The following OR4C11 variants were observed in gnomAD, a reference collection of about 807,000 sequenced individuals.
The protein encoded by OR4C11 is olfactory receptor family 4 subfamily C member 11.
OR4C11 carries 15 observed loss-of-function variants against 14.7 expected under a neutral mutation model. The observed-to-expected ratio is 1.02, with a 90% CI of 0.68 to 1.58. The LOEUF is 1.58. OR4C11 is among the 40% of genes most tolerant of loss of function. The pLI, the probability that OR4C11 is intolerant of heterozygous loss-of-function variation, is 0.00. For synonymous variants in OR4C11, 146 were observed against 135.0 expected (o/e 1.08, Z -0.57); for missense variants, 473 against 383.0 (o/e 1.24, Z -1.96).
rs1357238490 is a variant in OR4C11, at chr11:55,605,582, T to TA, written c.-206-296dup. ...ATATATATTCCAAATAGCAACACAG[T>TA]AAAAAATTAAAAGGGAAGTGTCAAT... On this transcript the variant is annotated intron_variant, in intron 2 of 3. Transcript: ENST00000641580. 1.1e-4 allele frequency among the ~76,000 whole-genome samples: 15 copies of TA among 138,258 alleles called. 3 individuals are homozygous for TA. Among genetic ancestry groups the TA allele is most frequent in the African/African-American group, 3.5e-4 (14 of 39,850 alleles). 90.7% of individuals were successfully genotyped at this position (138,258 alleles called of 152,430 possible).
At position 55,603,718 on chromosome 11, in the gene OR4C11, A is replaced by T; in HGVS notation, c.656T>A (p.Ile219Asn). Residue 219 changes from isoleucine to asparagine, a missense_variant, in exon 4 of 4, where the codon ATC becomes AAC. Physicochemically the swap from Ile to Asn is moderately radical, Grantham distance 149 (BLOSUM62 -3). Coordinates refer to ENST00000641580, the MANE Select transcript of OR4C11 (RefSeq NM_001004700.3). Reference protein sequence around the residue: ...FMILIISYIVILHSLRNHSAK... With the variant: ...FMILIISYIVNLHSLRNHSAK... ...ACTGTGGTTTCTCAGTGAATGCAAG[A>T]TGACAATATATGAAATTATCAAAAT... 2 of 1,490,800 alleles carry T rather than the reference A, an allele frequency of 1.3e-6. No homozygotes were observed. The highest frequency in any genetic ancestry group is 1.8e-6 in the Non-Finnish European group (2 of 1,095,738). 92.3% of individuals were successfully genotyped at this position (1,490,800 alleles called of 1,614,324 possible).
rs146340318 is a variant in OR4C11, at chr11:55,605,760, G to T, written c.-206-473C>A. On this transcript the variant is annotated intron_variant, in intron 2 of 3. Coordinates refer to ENST00000641580, the MANE Select transcript of OR4C11 (RefSeq NM_001004700.3). ...AAGAGACTGTTCTCCTTATTATAAA[G>T]ATTATGCCTCTGGAAAGATGCTCAA... Among the ~76,000 whole-genome samples the T allele has an allele frequency of 8.7e-4, 120 of 138,478 alleles. 14 individuals are homozygous for T. Among genetic ancestry groups the T allele is most frequent in the African/African-American group, 2.9e-3 (117 of 40,056 alleles). 90.8% of individuals were successfully genotyped at this position (138,478 alleles called of 152,430 possible).
rs187050403 is a variant in OR4C11, at chr11:55,603,583, G to C, written c.791C>G (p.Pro264Arg). ...FIYTRPPTTF[P>R]MDKMVAVFYT... Reference sequence around the variant, plus strand: ...AAATACTGCCACCATCTTGTCCATGGGGAAAGTGGTCGGGGGGCGTGTATA... The same window carrying C: ...AAATACTGCCACCATCTTGTCCATGCGGAAAGTGGTCGGGGGGCGTGTATA... The change falls in exon 4 of 4, where the codon CCC becomes CGC. Residue 264 changes from proline (P) to arginine (R), a missense_variant. Transcript: ENST00000641580. 40 of 1,481,236 alleles carry C rather than the reference G, an allele frequency of 2.7e-5. 12 individuals carry two copies. The Middle Eastern group carries it at 3.0e-3, about 112-fold the overall frequency. The allele number at this position is 1,481,236 out of a possible 1,614,324, so 91.8% of individuals were successfully genotyped here. A position where few individuals can be genotyped will look rare whatever the true frequency, so the allele number is the denominator to read the frequency against.
At position 55,602,568 on chromosome 11, in the gene OR4C11, T is replaced by G. The variant is rs973819499; in HGVS notation, c.*873A>C. The G allele has an allele frequency of 2.2e-5, 3 of 138,476 alleles. No homozygotes were observed. The highest frequency in any genetic ancestry group is 5.0e-5 in the African/African-American group (2 of 39,938). The allele number at this position is 138,476 out of a possible 1,614,324, so 8.6% of individuals were successfully genotyped here. On this transcript the variant is annotated 3_prime_UTR_variant, in exon 4 of 4. Coordinates refer to ENST00000641580, the MANE Select transcript of OR4C11 (RefSeq NM_001004700.3). ...GAGATGTAACTTCCTATAGCAGTAG[T>G]GGGTTCCCTGTTTAGGGAGAACCCA...
chr11:55,605,547 ACT>A (rs1857950076), intron 2 of OR4C11, among the ~76,000 whole-genome samples: 1 of 138,694 alleles, frequency 7.2e-6, no homozygotes, highest in Admixed American at 7.8e-5. Flanking sequence ...TTTTCCATAT[ACT>A]TTTTCACATA....
In OR4C11 at chr11:55,603,545, T is replaced by G. The variant is rs2456022; in HGVS notation, c.829A>C (p.Thr277Pro). 9.8e-4 allele frequency: 1,452 copies of G among 1,474,716 alleles called. 164 individuals carry two copies. In the African/African-American group the frequency reaches 0.017, roughly 17 times the overall value. 91.4% of individuals were successfully genotyped at this position (1,474,716 alleles called of 1,614,324 possible). Residue 277 changes from threonine (T) to proline (P), a missense_variant, in exon 4 of 4, where the codon ACA (threonine) becomes CCA (proline). Physicochemically the swap from Thr to Pro is conservative, Grantham distance 38. Transcript: ENST00000641580. The stretch of plus-strand genomic sequence containing the variant: ...TAGATGAGTGGATTGAGAAAGGGTG[T>G]TCCAATAGTATAAAATACTGCCACC... The part of the protein sequence containing the change: ...KMVAVFYTIG[T>P]PFLNPLIYTL...
Position 55,604,311 on chromosome 11 carries a change from C to A in OR4C11, c.63G>T (p.Arg21Ser), listed in dbSNP as rs772717269. 8.4e-6 allele frequency: 12 copies of A among 1,422,900 alleles called. 3 individuals are homozygous for A. In the Admixed American group the frequency reaches 2.6e-4, roughly 31 times the overall value. The allele number at this position is 1,422,900 out of a possible 1,614,324, so 88.1% of individuals were successfully genotyped here. The change falls in exon 4 of 4, where the codon AGG becomes AGT. Residue 21 changes from arginine to serine, a missense_variant. Coordinates refer to ENST00000641580, the MANE Select transcript of OR4C11 (RefSeq NM_001004700.3). The part of the protein sequence containing the change: ...ILLGLTQDPL[R>S]QKIVFVIFLI... ...AGAAGATTACAAACACTATTTTCTG[C>A]CTCAAGGGATCCTGTGTTAATCCTA...
At position 55,606,936 on chromosome 11, in the gene OR4C11, G is replaced by A. The variant is rs571297216; in HGVS notation, c.-364-257C>T. ...TTAGAATGAAGCAACATAAGAAAGG[G>A]TATTTTTATCTGTTCACTGCTGAAT... is the stretch of plus-strand genomic sequence containing the variant. On this transcript the variant is annotated intron_variant, in intron 1 of 3. Transcript: ENST00000641580. Among the ~76,000 whole-genome samples the A allele has an allele frequency of 8.7e-5, 12 of 138,100 alleles. 1 individual carries two copies. The highest frequency in any genetic ancestry group is 3.8e-3 in the Middle Eastern group (1 of 260). The allele number at this position is 138,100 out of a possible 152,430, so 90.6% of individuals were successfully genotyped here. A position where few individuals can be genotyped will look rare whatever the true frequency, so the allele number is the denominator to read the frequency against.
In OR4C11 at chr11:55,602,761, G is replaced by T; in HGVS notation, c.*680C>A. 7.2e-6 allele frequency: 1 copy of T among 138,648 alleles called. No homozygotes were observed. Among genetic ancestry groups the T allele is most frequent in the Non-Finnish European group, 1.6e-5 (1 of 62,262 alleles). 8.6% of individuals were successfully genotyped at this position (138,648 alleles called of 1,614,324 possible). A position where few individuals can be genotyped will look rare whatever the true frequency, so the allele number is the denominator to read the frequency against. ...AATATGTTGTATCTCCAGTATATTA[G>T]CCTCTGACTCAAAAATACAGAACTT... is the stretch of plus-strand genomic sequence containing the variant. On this transcript the variant is annotated 3_prime_UTR_variant, in exon 4 of 4. Coordinates refer to ENST00000641580, the MANE Select transcript of OR4C11 (RefSeq NM_001004700.3).
At position 55,606,138 on chromosome 11, in the gene OR4C11, A is replaced by G. The variant is rs944824643; in HGVS notation, c.-207+384T>C. On this transcript the variant is annotated intron_variant, in intron 2 of 3. Coordinates refer to ENST00000641580, the MANE Select transcript of OR4C11 (RefSeq NM_001004700.3). Reference sequence around the variant, plus strand: ...CAGAAGGGACATTAATGAATCAAGGATGATATTTTTACGCAAACATTAATA... The same window carrying G: ...CAGAAGGGACATTAATGAATCAAGGGTGATATTTTTACGCAAACATTAATA... Among the ~76,000 whole-genome samples, 2 of 138,286 alleles carry G rather than the reference A, an allele frequency of 1.4e-5. 1 individual carries two copies. The highest frequency in any genetic ancestry group is 1.6e-4 in the Admixed American group (2 of 12,634). The allele number at this position is 138,286 out of a possible 152,430, so 90.7% of individuals were successfully genotyped here.
chr11:55,603,856 T>A lies in OR4C11; in HGVS notation c.518A>T (p.Asp173Val). 1.3e-6 allele frequency: 2 copies of A among 1,492,220 alleles called. No individual in the cohort carries two copies. Among genetic ancestry groups the A allele is most frequent in the Non-Finnish European group, 1.8e-6 (2 of 1,097,470 alleles). 92.4% of individuals were successfully genotyped at this position (1,492,220 alleles called of 1,614,324 possible). A position where few individuals can be genotyped will look rare whatever the true frequency, so the allele number is the denominator to read the frequency against. Residue 173 changes from aspartate to valine, a missense_variant, in exon 4 of 4, where the codon GAT becomes GTT. By Grantham distance (152) the Asp-to-Val change is radical. Transcript: ENST00000641580. ...GGGCTGCAAATCACAGCAATAATGA[T>A]CAATCAAATAGGGTCCACAGAAAGG... ...RLPFCGPYLI[D>V]HYCCDLQPLL...
chr11:55,603,960 G>C lies in OR4C11; in HGVS notation c.414C>G (p.Val138=). The C allele has an allele frequency of 6.7e-7, 1 of 1,490,100 alleles. No individual in the cohort carries two copies. Among genetic ancestry groups the C allele is most frequent in the Non-Finnish European group, 9.1e-7 (1 of 1,096,242 alleles). 92.3% of individuals were successfully genotyped at this position (1,490,100 alleles called of 1,614,324 possible). ...AGGCAAGAACAATCAGGATGATGCA[G>C]ACCTGCTGGCTCATGATGGTTGGGT... is the stretch of plus-strand genomic sequence containing the variant. The part of the protein sequence containing the change: ...LRYPTIMSQQ[V]CIILIVLAWI... The change falls in exon 4 of 4, where the codon GTC becomes GTG. Residue 138 remains valine, a synonymous_variant. Coordinates refer to ENST00000641580, the MANE Select transcript of OR4C11 (RefSeq NM_001004700.3).
rs1857955499 is a variant in OR4C11 at position 55,606,030 on chromosome 11, G to T, written c.-207+492C>A. On this transcript the variant is annotated intron_variant, in intron 2 of 3. Transcript: ENST00000641580. ...TGATCCAGTTATTCCGTTTCCTATAGACGCACTCATTCACAGAAACAAGGA... is the reference window on the plus strand; with the variant it reads ...TGATCCAGTTATTCCGTTTCCTATATACGCACTCATTCACAGAAACAAGGA... 5.8e-5 allele frequency among the ~76,000 whole-genome samples: 8 copies of T among 137,996 alleles called. 2 individuals are homozygous for T. The allele number at this position is 137,996 out of a possible 152,430, so 90.5% of individuals were successfully genotyped here. A position where few individuals can be genotyped will look rare whatever the true frequency, so the allele number is the denominator to read the frequency against.
At position 55,604,658 on chromosome 11, in the gene OR4C11, A is replaced by G. The variant is rs1857937763; in HGVS notation, c.-44-241T>C. On this transcript the variant is annotated intron_variant, in intron 3 of 3. Transcript: ENST00000641580. The stretch of plus-strand genomic sequence containing the variant: ...GTGGCATGACAAAATTACACATGAA[A>G]ATAATACAATTAGAAATAGAAAAAT... Among the ~76,000 whole-genome samples the G allele has an allele frequency of 1.4e-5, 2 of 138,232 alleles. 1 individual carries two copies. Among genetic ancestry groups the G allele is most frequent in the African/African-American group, 5.0e-5 (2 of 39,942 alleles). 90.7% of individuals were successfully genotyped at this position (138,232 alleles called of 152,430 possible).
At chr11:55,606,334 C>T (rs1471341500) in intron 2 of OR4C11, among the ~76,000 whole-genome samples, 188 bp downstream of exon 2, 1 of 137,812 alleles carries the variant, frequency 7.3e-6, no homozygotes, top group Non-Finnish European at 1.6e-5. Flanking sequence ...ACTACACACA[C>T]CTGCATATTT....
chr11:55,604,084 G>C lies in OR4C11; in HGVS notation c.290C>G (p.Thr97Arg). The change falls in exon 4 of 4, where the codon ACA becomes AGA. Residue 97 changes from threonine to arginine, a missense_variant. Coordinates refer to ENST00000641580, the MANE Select transcript of OR4C11 (RefSeq NM_001004700.3). ...KKIITYNECM[T>R]QVFALHLFGC... ...AAATAAATGTAGTGCAAAGACTTGT[G>C]TCATGCACTCATTGTAGGTTATAAT... is the stretch of plus-strand genomic sequence containing the variant. 6.7e-7 allele frequency: 1 copy of C among 1,484,860 alleles called. No individual in the cohort carries two copies. The highest frequency in any genetic ancestry group is 9.2e-7 in the Non-Finnish European group (1 of 1,090,460). 92.0% of individuals were successfully genotyped at this position (1,484,860 alleles called of 1,614,324 possible).
In OR4C11 at chr11:55,602,391, A is replaced by G. The variant is rs1389610431; in HGVS notation, c.*1050T>C. 2.2e-5 allele frequency: 3 copies of G among 138,052 alleles called. 1 individual carries two copies. Among genetic ancestry groups the G allele is most frequent in the African/African-American group, 7.6e-5 (3 of 39,370 alleles). The allele number at this position is 138,052 out of a possible 1,614,324, so 8.6% of individuals were successfully genotyped here. A position where few individuals can be genotyped will look rare whatever the true frequency, so the allele number is the denominator to read the frequency against. On this transcript the variant is annotated 3_prime_UTR_variant, in exon 4 of 4. Transcript: ENST00000641580. ...CAGTTATTAAAGATGTGGTACACTT[A>G]TTACACTGAAACAGATGAATATTAA...
At position 55,606,206 on chromosome 11, in the gene OR4C11, G is replaced by GCA. The variant is rs1216801378; in HGVS notation, c.-207+314_-207+315dup. Among the ~76,000 whole-genome samples, 20 of 123,898 alleles carry GCA rather than the reference G, an allele frequency of 1.6e-4. 4 individuals are homozygous for GCA. Among genetic ancestry groups the GCA allele is most frequent in the Admixed American group, 9.0e-4 (10 of 11,056 alleles). The allele number at this position is 123,898 out of a possible 152,430, so 81.3% of individuals were successfully genotyped here. On this transcript the variant is annotated intron_variant, in intron 2 of 3. Coordinates refer to ENST00000641580, the MANE Select transcript of OR4C11 (RefSeq NM_001004700.3). ...GATAGCTGTGTGTTTATATGCACAC[G>GCA]CACGCACACACACACACACACAAAA...
chr11:55,604,513 T>G, intron 3 of OR4C11, 96 bp from the exon 4 acceptor site: 1 of 407,644 alleles, frequency 2.5e-6, no homozygotes, highest in South Asian at 5.5e-5. Context: ...TTATTGACAA[T>G]TCTTTGTATT....
Sources: gnomAD v4.1 joint callset for allele counts (sites outside exome capture counted in the v4.1 genomes callset) on GRCh38, gnomAD v4.1.1 for gene constraint, MANE v1.5 for transcripts, NCBI Gene and HGNC (gene_info 2026-07-23, HGNC 2026-07-21) for gene names.